The following GLYATL2 variants were observed in gnomAD, a reference collection of about 807,000 sequenced individuals.
The protein encoded by GLYATL2 is glycine N-acyltransferase-like protein 2.
GLYATL2 carries 25 observed loss-of-function variants against 21.4 expected under a neutral mutation model. The observed-to-expected ratio is 1.17, with a 90% CI of 0.85 to 1.63. GLYATL2 has a LOEUF of 1.63. Ranked by LOEUF, GLYATL2 falls within the 40% of genes most tolerant of loss-of-function variation. The probability of loss-of-function intolerance (pLI) is 0.00; values close to 1 mark genes in which losing one functional copy is unlikely to be tolerated. For synonymous variants in GLYATL2, 114 were observed against 118.2 expected, an observed-to-expected ratio of 0.96 and a Z score of 0.23; for missense variants, 361 against 343.3, an observed-to-expected ratio of 1.05 and a Z score of -0.41.
chr11:58,869,464 T>G (rs1478481072), intron 1 of GLYATL2, among the ~76,000 whole-genome samples: 1 of 152,142 alleles, frequency 6.6e-6, no homozygotes, highest in African/African-American at 2.4e-5. Flanking sequence ...AAATTTTGGT[T>G]CACAGCCTTC....
Position 58,837,085 on chromosome 11 carries a change from C to G in GLYATL2, c.406G>C (p.Glu136Gln). 2 of 1,613,762 alleles carry G rather than the reference C, an allele frequency of 1.2e-6. No individual in the cohort carries two copies. The highest frequency in any genetic ancestry group is 8.5e-7 in the Non-Finnish European group (1 of 1,179,734). The part of the protein sequence containing the change: ...DYMKTILFIP[E>Q]LPKKHKTSSN... ...GAGGTCTTGTGTTTCTTTGGTAATT[C>G]CGGTATAAAGAGGATGGTTTTCATG... The change falls in exon 5 of 6, where the codon GAA becomes CAA. Residue 136 changes from glutamate to glutamine, a missense_variant. Glu to Gln is a conservative substitution (Grantham distance 29, BLOSUM62 2). Transcript: ENST00000287275.
intron 1 of GLYATL2, among the ~76,000 whole-genome samples, chr11:58,897,019 A>G (rs933393589): frequency 3.3e-5 from 5 of 152,132 alleles, no homozygotes; most frequent in African/African-American, 4.8e-5. Context: ...TTACTTTACT[A>G]TGGACACTAA....
At chr11:58,905,776 C>T, upstream of GLYATL2, 1 of 385,850 alleles carries the variant, frequency 2.6e-6, no homozygotes, top group Admixed American at 2.7e-5. Context: ...TCCCCTCGGC[C>T]TGGCCGTCTG....
At chr11:58,859,324 TTC>T (rs35379649) in intron 1 of GLYATL2, among the ~76,000 whole-genome samples, 1 of 150,850 alleles carries the variant, frequency 6.6e-6, no homozygotes, top group African/African-American at 2.4e-5. Flanking sequence ...GTAGCATTCA[TTC>T]TCTCTCTCTC....
chr11:58,852,837 AG>A (rs2134588208), intron 1 of GLYATL2, among the ~76,000 whole-genome samples: 1 of 152,314 alleles, frequency 6.6e-6, no homozygotes, highest in East Asian at 1.9e-4. Flanking sequence ...GTGAATTTTG[AG>A]GGAACACAAT....
rs964524959 is a variant in GLYATL2 at position 58,871,225 on chromosome 11, T to C, written n.61-32857A>G. 3.6e-4 allele frequency among the ~76,000 whole-genome samples: 55 copies of C among 152,272 alleles called. No individual in the cohort carries two copies. In the Middle Eastern group the frequency reaches 0.01, roughly 29 times the overall value. On this transcript the variant is annotated intron_variant and non_coding_transcript_variant, in intron 1 of 4. Coordinates refer to the GLYATL2 transcript ENST00000533636. The stretch of plus-strand genomic sequence containing the variant: ...TGAGTTTGGAAAAGAGTTTGAGTAA[T>C]AATATAAATTTATTAGTCATTGGGA...
At chr11:58,870,852 C>A (rs1854105290) in intron 1 of GLYATL2, among the ~76,000 whole-genome samples, 2 of 152,226 alleles carry the variant, frequency 1.3e-5, no homozygotes, top group Non-Finnish European at 2.9e-5. Flanking sequence ...TCTTTACAAG[C>A]ATCCTTGAGA....
intron 1 of GLYATL2, among the ~76,000 whole-genome samples, chr11:58,887,652 C>A (rs188592965): frequency 2.0e-5 from 3 of 152,116 alleles, no homozygotes; most frequent in Non-Finnish European, 4.4e-5. Flanking sequence ...GACATCCCTT[C>A]GGGTGAATCA....
intron 1 of GLYATL2, among the ~76,000 whole-genome samples, chr11:58,861,678 C>T (rs1853934796): frequency 6.6e-6 from 1 of 151,002 alleles, no homozygotes; most frequent in Admixed American, 6.6e-5. Context: ...TCTTTTTTTT[C>T]AATGTAAATG....
intron 1 of GLYATL2, chr11:58,893,313 T>C: frequency 9.0e-6 from 2 of 221,164 alleles, no homozygotes; most frequent in Non-Finnish European, 2.0e-5. Context: ...TCACGAAATA[T>C]CTGCGTCATA....
At chr11:58,834,940 C>T (rs1265731755) in intron 5 of GLYATL2, 103 bp from the exon 6 acceptor site, 2 of 812,106 alleles carry the variant, frequency 2.5e-6, no homozygotes, top group Non-Finnish European at 3.8e-6. Context: ...GACCCTACAG[C>T]CTGGAGGAGG....
chr11:58,845,481 T>C (rs4939230), upstream of GLYATL2, among the ~76,000 whole-genome samples: 38,718 of 151,828 alleles, frequency 0.26, 5,369 homozygotes, highest in East Asian at 0.5. Flanking sequence ...CATGTGTCTA[T>C]AGTCCCAACT....
chr11:58,900,671 C>A (rs968489585), intron 1 of GLYATL2, among the ~76,000 whole-genome samples: 2 of 152,124 alleles, frequency 1.3e-5, no homozygotes, highest in Non-Finnish European at 2.9e-5. Context: ...GAGGGTTGAG[C>A]CACTATGAGC....
intron 1 of GLYATL2, among the ~76,000 whole-genome samples, chr11:58,860,115 C>G (rs1853905045): frequency 6.6e-6 from 1 of 152,044 alleles, no homozygotes; most frequent in Non-Finnish European, 1.5e-5. Flanking sequence ...TTTGTGATTA[C>G]ACATACATTT....
upstream of GLYATL2, among the ~76,000 whole-genome samples, chr11:58,846,130 A>G (rs1853638213): frequency 6.6e-6 from 1 of 152,200 alleles, no homozygotes; most frequent in African/African-American, 2.4e-5. Context: ...TAGTCAATAC[A>G]TATGTTTTAT....
rs1230468317 is a variant in GLYATL2 at position 58,867,104 on chromosome 11, C to A, written n.61-28736G>T. 3.4e-5 allele frequency among the ~76,000 whole-genome samples: 5 copies of A among 149,036 alleles called. 1 individual carries two copies. The East Asian group carries it at 8.9e-4, about 27-fold the overall frequency. ...TCAGCCATGCGGTTCCCATTCCCTG[C>A]CATGAGCAAGAGTTTTAGGGCCTCA... On this transcript the variant is annotated intron_variant and non_coding_transcript_variant, in intron 1 of 4. Coordinates refer to the GLYATL2 transcript ENST00000533636.
intron 1 of GLYATL2, among the ~76,000 whole-genome samples, chr11:58,899,584 C>A (rs879401926): frequency 1.3e-5 from 2 of 151,882 alleles, no homozygotes; most frequent in Non-Finnish European, 2.9e-5. Context: ...GGGGTTAGGA[C>A]GGGCCTCCAC....
At chr11:58,858,943 T>C (rs540101880) in intron 1 of GLYATL2, among the ~76,000 whole-genome samples, 1 of 152,340 alleles carries the variant, frequency 6.6e-6, no homozygotes, top group East Asian at 1.9e-4. Flanking sequence ...CTTGCTATAC[T>C]TTCCTTCTCA....
At chr11:58,873,071 A>G (rs1346247878) in intron 1 of GLYATL2, among the ~76,000 whole-genome samples, 1 of 151,374 alleles carries the variant, frequency 6.6e-6, no homozygotes, top group Non-Finnish European at 1.5e-5. Flanking sequence ...TTCACTCATG[A>G]TTTGGCTCTC....
Sources: allele counts gnomAD v4.1 joint callset (sites outside exome capture counted in the v4.1 genomes callset), GRCh38; gene constraint gnomAD v4.1.1; transcripts MANE v1.5; gene names NCBI Gene and HGNC (gene_info 2026-07-23, HGNC 2026-07-21).